ASB18: variants seen among roughly 807,000 people sequenced by gnomAD.
ASB18 encodes ankyrin repeat and SOCS box protein 18.
In ASB18, 33 loss-of-function variants were observed where a neutral mutation model predicts 33.4. The ratio of observed to expected loss-of-function variants is 0.99; its 90% CI spans 0.75 to 1.32. The LOEUF (loss-of-function observed/expected upper bound fraction) is 1.32, where lower values mean the gene tolerates loss of function less well. Among genes scored for constraint, ASB18 ranks in the 40% most tolerant of loss-of-function variants. The pLI is 0.00. For synonymous variants in ASB18, 295 were observed against 307.6 expected (o/e 0.96, Z 0.43); for missense variants, 694 against 655.5 (o/e 1.06, Z -0.64).
In ASB18 at chr2:236,199,467, T is replaced by C. The variant is rs13026256; in HGVS notation, c.1102-3082A>G. On this transcript the variant is annotated intron_variant, in intron 4 of 5. Transcript: ENST00000409749. ...CAATACTGATCCATTTTTGCCTTCA[T>C]AAAACAGGCCCTATTTGGCTATTCT... Among the ~76,000 whole-genome samples, 10 of 149,464 alleles carry C rather than the reference T, an allele frequency of 6.7e-5. 1 individual carries two copies. In the South Asian group the frequency reaches 2.1e-3, roughly 32 times the overall value.
At position 236,237,837 on chromosome 2, in the gene ASB18, G is replaced by T; in HGVS notation, c.448C>A (p.Pro150Thr). ...LGRGADPDAS[P>T]GGRGALHEAC... is the part of the protein sequence containing the mutation. ...TCGTGCAGGGCGCCGCGGCCGCCGG[G>T]GCTGGCGTCTGGGTCTGCGCCGCGG... The change falls in exon 3 of 6, where the codon CCC becomes ACC. Residue 150 changes from proline to threonine, a missense_variant. Coordinates refer to ENST00000409749, the MANE Select transcript of ASB18 (RefSeq NM_212556.4). The surrounding 1 kb of genome is among the most constrained non-coding windows in gnomAD (Gnocchi z 6.2). The T allele has an allele frequency of 7.2e-7, 1 of 1,390,360 alleles. No individual in the cohort carries two copies. Among genetic ancestry groups the T allele is most frequent in the Non-Finnish European group, 9.2e-7 (1 of 1,083,420 alleles). The allele number at this position is 1,390,360 out of a possible 1,614,324, so 86.1% of individuals were successfully genotyped here.
At chr2:236,236,178 T>A (rs576722524) in intron 3 of ASB18, among the ~76,000 whole-genome samples, 24 of 152,202 alleles carry the variant, frequency 1.6e-4, no homozygotes, top group African/African-American at 5.3e-4. Context: ...CTGTGGTTCA[T>A]CCATACCACG....
At position 236,211,619 on chromosome 2, in the gene ASB18, G is replaced by T. The variant is rs2060459005; in HGVS notation, c.1101+2743C>A. Among the ~76,000 whole-genome samples the T allele has an allele frequency of 6.6e-6, 1 of 152,240 alleles. No individual in the cohort carries two copies. Among genetic ancestry groups the T allele is most frequent in the Non-Finnish European group, 1.5e-5 (1 of 68,046 alleles). Reference sequence around the variant, plus strand: ...CTCGGCTCGCCATGGCGCCCGTGTGGTGCCTGCCCAGCATCTTTGTGGCTG... The same window carrying T: ...CTCGGCTCGCCATGGCGCCCGTGTGTTGCCTGCCCAGCATCTTTGTGGCTG... On this transcript the variant is annotated intron_variant, in intron 4 of 5. Coordinates refer to ENST00000409749, the MANE Select transcript of ASB18 (RefSeq NM_212556.4). The surrounding 1 kb of genome is among the most constrained non-coding windows in gnomAD (Gnocchi z 5.0).
At position 236,194,146 on chromosome 2, in the gene ASB18, GC is replaced by G. The variant is rs1193243164; in HGVS notation, c.*725del. On this transcript the variant is annotated 3_prime_UTR_variant, in exon 6 of 6. Coordinates refer to ENST00000409749, the MANE Select transcript of ASB18 (RefSeq NM_212556.4). This position sits in a 1 kb window ranked among gnomAD's most constrained non-coding sequence, Gnocchi z 4.5. ...TAAGGCATACAATAATCATCCAAAT[GC>G]ATGACAATAAATGATGCGGTATGAG... Among the ~76,000 whole-genome samples the G allele has an allele frequency of 1.4e-4, 21 of 152,184 alleles. No homozygotes were observed. Among genetic ancestry groups the G allele is most frequent in the African/African-American group, 5.1e-4 (21 of 41,442 alleles).
rs1436033890 is a variant in ASB18 at position 236,237,858 on chromosome 2, C to T, written c.427G>A (p.Gly143Ser). The change falls in exon 3 of 6, where the codon GGC (glycine) becomes AGC (serine). Residue 143 changes from glycine (G) to serine (S), a missense_variant. By Grantham distance (56) the Gly-to-Ser change is moderately conservative. Coordinates refer to ENST00000409749, the MANE Select transcript of ASB18 (RefSeq NM_212556.4). The surrounding 1 kb of genome is among the most constrained non-coding windows in gnomAD (Gnocchi z 6.2). ...CCGGGGCTGGCGTCTGGGTCTGCGC[C>T]GCGGCCGAGCAGGTGTCGCACGCAG... The part of the protein sequence containing the change: ...TACVRHLLGR[G>S]ADPDASPGGR... The T allele has an allele frequency of 2.7e-6, 4 of 1,454,768 alleles. No individual in the cohort carries two copies. Among genetic ancestry groups the T allele is most frequent in the African/African-American group, 3.0e-5 (2 of 67,250 alleles). The allele number at this position is 1,454,768 out of a possible 1,614,324, so 90.1% of individuals were successfully genotyped here. A position where few individuals can be genotyped will look rare whatever the true frequency, so the allele number is the denominator to read the frequency against.
chr2:236,209,930 C>T lies in ASB18; in HGVS notation c.1101+4432G>A, dbSNP rs1209294422. Among the ~76,000 whole-genome samples the T allele has an allele frequency of 6.6e-6, 1 of 152,220 alleles. No homozygotes were observed. Among genetic ancestry groups the T allele is most frequent in the African/African-American group, 2.4e-5 (1 of 41,464 alleles). The stretch of plus-strand genomic sequence containing the variant: ...CAGGACGTCTGTCTAGAATGTTTGT[C>T]CCCCGCTTCACAAAGATAAGCCTTC... On this transcript the variant is annotated intron_variant, in intron 4 of 5. Coordinates refer to ENST00000409749, the MANE Select transcript of ASB18 (RefSeq NM_212556.4). This position sits in a 1 kb window ranked among gnomAD's most constrained non-coding sequence, Gnocchi z 4.4.
Position 236,215,348 on chromosome 2 carries a change from C to A in ASB18, c.597-482G>T, listed in dbSNP as rs1365638823. 6.6e-6 allele frequency among the ~76,000 whole-genome samples: 1 copy of A among 152,116 alleles called. No homozygotes were observed. Among genetic ancestry groups the A allele is most frequent in the African/African-American group, 2.4e-5 (1 of 41,406 alleles). On this transcript the variant is annotated intron_variant, in intron 3 of 5. Coordinates refer to ENST00000409749, the MANE Select transcript of ASB18 (RefSeq NM_212556.4). The surrounding 1 kb of genome is among the most constrained non-coding windows in gnomAD (Gnocchi z 7.2). ...GGTGTGAGGCAAGCCTTGCCTTGCA[C>A]CACGAAGGGACTTTCCCCATCCCTC...
chr2:236,210,843 G>A (rs966385403), intron 4 of ASB18, among the ~76,000 whole-genome samples: 3 of 152,214 alleles, frequency 2.0e-5, no homozygotes, highest in African/African-American at 4.8e-5. Context: ...CCCTGGCTGC[G>A]TGCTGCTACT....
chr2:236,240,563 C>T (rs2060616680), intron 2 of ASB18, among the ~76,000 whole-genome samples: 1 of 152,092 alleles, frequency 6.6e-6, no homozygotes. Context: ...GGTGGGGTGC[C>T]CAAAGCAGGG....
intron 4 of ASB18, among the ~76,000 whole-genome samples, chr2:236,210,081 C>A (rs7567430): frequency 0.11 from 17,394 of 152,204 alleles, 3,120 homozygotes; most frequent in African/African-American, 0.38. Flanking sequence ...GCACTTCTCA[C>A]CATGGCAACT....
At position 236,194,018 on chromosome 2, in the gene ASB18, GGGT is replaced by G. The variant is rs2060359711; in HGVS notation, c.*851_*853del. Among the ~76,000 whole-genome samples the G allele has an allele frequency of 6.6e-6, 1 of 152,114 alleles. No individual in the cohort carries two copies. The highest frequency in any genetic ancestry group is 2.4e-5 in the African/African-American group (1 of 41,394). ...TCCTGCCCTGCACACTGAGTTGCTG[GGGT>G]GGACTCTGGCCACGCACGACCCTGA... On this transcript the variant is annotated 3_prime_UTR_variant, in exon 6 of 6. Transcript: ENST00000409749. The surrounding 1 kb of genome is among the most constrained non-coding windows in gnomAD (Gnocchi z 4.5).
chr2:236,208,520 AAAATGT>A lies in ASB18; in HGVS notation c.1101+5836_1101+5841del, dbSNP rs2060444360. ...CCCACTGGCCCTGTCACTTCTCTGC[AAAATGT>A]TAAATGGCTCCCAGGGACTGCAGGT... On this transcript the variant is annotated intron_variant, in intron 4 of 5. Transcript: ENST00000409749. This position sits in a 1 kb window ranked among gnomAD's most constrained non-coding sequence, Gnocchi z 7.7. 6.6e-6 allele frequency among the ~76,000 whole-genome samples: 1 copy of A among 152,150 alleles called. No individual in the cohort carries two copies. Among genetic ancestry groups the A allele is most frequent in the Non-Finnish European group, 1.5e-5 (1 of 68,026 alleles).
chr2:236,227,820 C>T (rs1008059602), intron 3 of ASB18, among the ~76,000 whole-genome samples: 1 of 152,232 alleles, frequency 6.6e-6, no homozygotes, highest in Non-Finnish European at 1.5e-5. Context: ...CATTCTTAAC[C>T]TCCATGCATA....
rs921495642 is a variant in ASB18, at chr2:236,263,707, T to A, written c.205+434A>T. On this transcript the variant is annotated intron_variant, in intron 1 of 5. Transcript: ENST00000409749. The surrounding 1 kb of genome is among the most constrained non-coding windows in gnomAD (Gnocchi z 4.0). ...CAAAAAGGTAACCAAATACTATCTTTTTGTAGGCATTTGGTTTAAGTATTT... is the reference window on the plus strand; with the variant it reads ...CAAAAAGGTAACCAAATACTATCTTATTGTAGGCATTTGGTTTAAGTATTT... Among the ~76,000 whole-genome samples, 1 of 152,262 alleles carries A rather than the reference T, an allele frequency of 6.6e-6. No homozygotes were observed. The highest frequency in any genetic ancestry group is 1.5e-5 in the Non-Finnish European group (1 of 68,020).
chr2:236,214,767 G>C lies in ASB18; in HGVS notation c.696C>G (p.Asp232Glu). The C allele has an allele frequency of 1.7e-6, 2 of 1,188,640 alleles. No homozygotes were observed. The highest frequency in any genetic ancestry group is 3.7e-5 in the South Asian group (1 of 26,764). 73.6% of individuals were successfully genotyped at this position (1,188,640 alleles called of 1,614,324 possible). A position where few individuals can be genotyped will look rare whatever the true frequency, so the allele number is the denominator to read the frequency against. Reference protein sequence around the residue: ...PLHVAAQRGLDEHARLYLGRG... With the variant: ...PLHVAAQRGLEEHARLYLGRG... ...GGCCCAGGTACAGGCGCGCGTGCTCGTCCAGGCCGCGCTGCGCCGCCACGT... is the reference window on the plus strand; with the variant it reads ...GGCCCAGGTACAGGCGCGCGTGCTCCTCCAGGCCGCGCTGCGCCGCCACGT... Residue 232 changes from aspartate to glutamate, a missense_variant, in exon 4 of 6, where the codon GAC (aspartate) becomes GAG (glutamate). Asp to Glu is a conservative substitution (Grantham distance 45, BLOSUM62 2). Transcript: ENST00000409749. This position sits in a 1 kb window ranked among gnomAD's most constrained non-coding sequence, Gnocchi z 6.5.
intron 4 of ASB18, among the ~76,000 whole-genome samples, chr2:236,207,503 C>T (rs2060440201): frequency 6.6e-6 from 1 of 152,226 alleles, no homozygotes; most frequent in South Asian, 2.1e-4. Context: ...TCTTTTCCCC[C>T]ATGAATCTAT....
intron 4 of ASB18, among the ~76,000 whole-genome samples, chr2:236,198,597 A>C (rs1215296167): frequency 6.6e-6 from 1 of 152,086 alleles, no homozygotes; most frequent in Non-Finnish European, 1.5e-5. Flanking sequence ...TGAACTCCTG[A>C]CCTCATGATC....
At chr2:236,246,873 T>C (rs2060647148) in intron 1 of ASB18, among the ~76,000 whole-genome samples, 1 of 152,252 alleles carries the variant, frequency 6.6e-6, no homozygotes, top group East Asian at 1.9e-4. Flanking sequence ...GATAAATTTC[T>C]GCAGGACTTA....
rs949989429 is a variant in ASB18 at position 236,194,492 on chromosome 2, C to T, written c.*380G>A. On this transcript the variant is annotated 3_prime_UTR_variant, in exon 6 of 6. Coordinates refer to ENST00000409749, the MANE Select transcript of ASB18 (RefSeq NM_212556.4). This position sits in a 1 kb window ranked among gnomAD's most constrained non-coding sequence, Gnocchi z 4.5. ...ATCATTCTTGTTTATATCAATTAACCTTGGGAAAACTGGCATTGTTATACC... is the reference window on the plus strand; with the variant it reads ...ATCATTCTTGTTTATATCAATTAACTTTGGGAAAACTGGCATTGTTATACC... Among the ~76,000 whole-genome samples, 6 of 152,078 alleles carry T rather than the reference C, an allele frequency of 3.9e-5. No homozygotes were observed. The highest frequency in any genetic ancestry group is 5.9e-5 in the Non-Finnish European group (4 of 68,014).
Sources: gnomAD v4.1 joint callset for allele counts (sites outside exome capture counted in the v4.1 genomes callset) on GRCh38, gnomAD v4.1.1 for gene constraint, Gnocchi (gnomAD v3.1) non-coding constraint, MANE v1.5 for transcripts, NCBI Gene and HGNC (gene_info 2026-07-23, HGNC 2026-07-21) for gene names.